SSBP2: variants seen among roughly 807,000 people sequenced by gnomAD.
SSBP2 encodes single stranded DNA binding protein 2.
A neutral mutation model predicts 61.8 loss-of-function variants in SSBP2; 17 were observed. The observed-to-expected ratio is 0.28, with a 90% CI of 0.19 to 0.41. SSBP2 has a LOEUF of 0.41. SSBP2 is among the 10% of genes least tolerant of loss of function. The pLI, the probability that SSBP2 is intolerant of heterozygous loss-of-function variation, is 1.00. For synonymous variants in SSBP2, 139 were observed against 141.3 expected (o/e 0.98, Z 0.12); for missense variants, 310 against 458.7 (o/e 0.68, Z 2.96).
intron 5 of SSBP2, among the ~76,000 whole-genome samples, chr5:81,489,722 C>G (rs1766708805): frequency 6.6e-6 from 1 of 152,176 alleles, no homozygotes; most frequent in Admixed American, 6.5e-5. Flanking sequence ...GTTTGGTTAT[C>G]AATTCCTTTA....
In SSBP2 at chr5:81,490,350, T is replaced by C. The variant is rs570622264; in HGVS notation, c.373-1041A>G. On this transcript the variant is annotated intron_variant, in intron 5 of 16. Coordinates refer to ENST00000320672, the MANE Select transcript of SSBP2 (RefSeq NM_012446.5). ...TTATTAAATTATTTAAAATTTGATT[T>C]TTTATTTATTTTTCTAGAAACAACA... 3.3e-5 allele frequency among the ~76,000 whole-genome samples: 5 copies of C among 152,172 alleles called. No individual in the cohort carries two copies. The East Asian group carries it at 9.6e-4, about 29-fold the overall frequency.
chr5:81,720,164 T>C (rs761001268), intron 1 of SSBP2, among the ~76,000 whole-genome samples: 3 of 152,146 alleles, frequency 2.0e-5, no homozygotes, highest in Non-Finnish European at 4.4e-5. Context: ...CCCATCCAGA[T>C]TTTTACTTCT....
intron 4 of SSBP2, among the ~76,000 whole-genome samples, chr5:81,548,592 C>T (rs187172912): frequency 1.8e-4 from 27 of 152,178 alleles, no homozygotes; most frequent in African/African-American, 5.8e-4. Context: ...TCTTCTCCCG[C>T]GAACTTACTA....
intron 6 of SSBP2, among the ~76,000 whole-genome samples, chr5:81,479,785 C>G (rs1435398020): frequency 2.0e-5 from 3 of 152,030 alleles, no homozygotes; most frequent in Non-Finnish European, 4.4e-5. Flanking sequence ...ATTATTCATC[C>G]TTTTTAATGA....
At chr5:81,507,285 C>T (rs1042392257) in intron 5 of SSBP2, among the ~76,000 whole-genome samples, 1 of 152,130 alleles carries the variant, frequency 6.6e-6, no homozygotes, top group Non-Finnish European at 1.5e-5. Flanking sequence ...TATGAATGAT[C>T]ACCTTGGTCT....
chr5:81,597,934 CCA>C (rs993479407), intron 4 of SSBP2, among the ~76,000 whole-genome samples: 1 of 151,314 alleles, frequency 6.6e-6, no homozygotes, highest in Non-Finnish European at 1.5e-5. Flanking sequence ...GTGCAGCACA[CCA>C]ATATGGCACA....
intron 5 of SSBP2, among the ~76,000 whole-genome samples, chr5:81,501,456 C>T (rs1240409996): frequency 6.7e-6 from 1 of 149,312 alleles, no homozygotes; most frequent in Non-Finnish European, 1.5e-5. Context: ...GCAGGCATTC[C>T]AAGTAATTAA....
intron 7 of SSBP2, 151 bp from the exon 8 acceptor site, chr5:81,473,921 C>T (rs1406874528): frequency 1.0e-5 from 7 of 673,394 alleles, no homozygotes; most frequent in Non-Finnish European, 1.6e-5. Context: ...CACTTTTCCA[C>T]CTCTTACCAC....
At chr5:81,428,548 T>C in intron 16 of SSBP2, 37 bp downstream of exon 16, 1 of 1,522,960 alleles carries the variant, frequency 6.6e-7, no homozygotes, top group South Asian at 1.1e-5. Flanking sequence ...GCTTCAGAAA[T>C]AAAATTTGAG....
intron 1 of SSBP2, among the ~76,000 whole-genome samples, chr5:81,668,950 C>G (rs1453743703): frequency 2.6e-5 from 4 of 151,986 alleles, no homozygotes; most frequent in African/African-American, 9.7e-5. Context: ...CATCTCAGTA[C>G]AGTTCTACCT....
rs573261552 is a variant in SSBP2 at position 81,702,554 on chromosome 5, A to G, written c.62+48427T>C. Among the ~76,000 whole-genome samples, 8 of 152,322 alleles carry G rather than the reference A, an allele frequency of 5.3e-5. No homozygotes were observed. The South Asian group carries it at 8.3e-4, about 16-fold the overall frequency. On this transcript the variant is annotated intron_variant, in intron 1 of 16. Coordinates refer to ENST00000320672, the MANE Select transcript of SSBP2 (RefSeq NM_012446.5). ...TACAAAGTATATGAAACACAATGCCATAAGTTCTGAAAAAATGCAGGAATG... is the reference window on the plus strand; with the variant it reads ...TACAAAGTATATGAAACACAATGCCGTAAGTTCTGAAAAAATGCAGGAATG...
chr5:81,553,587 TTA>T (rs1427377914), intron 4 of SSBP2, among the ~76,000 whole-genome samples: 20 of 152,276 alleles, frequency 1.3e-4, no homozygotes, highest in South Asian at 4.1e-4. Context: ...TAATTCTCCT[TTA>T]TGTTTCAATT....
intron 9 of SSBP2, among the ~76,000 whole-genome samples, chr5:81,461,545 A>C (rs551522278): frequency 6.6e-6 from 1 of 152,032 alleles, no homozygotes; most frequent in Non-Finnish European, 1.5e-5. Context: ...ATTGATCTTA[A>C]GCTATAAGCA....
At chr5:81,737,803 A>AC (rs1756727008) in intron 1 of SSBP2, among the ~76,000 whole-genome samples, 2 of 150,896 alleles carry the variant, frequency 1.3e-5, no homozygotes. Flanking sequence ...AAAAAAAAAA[A>AC]CAAAAAACTC....
At chr5:81,492,864 A>T (rs1224499699) in intron 5 of SSBP2, among the ~76,000 whole-genome samples, 5 of 152,182 alleles carry the variant, frequency 3.3e-5, no homozygotes, top group Admixed American at 3.3e-4. Context: ...TAAAATAAGG[A>T]ACCAATGATT....
chr5:81,647,941 T>C (rs1460493659), intron 2 of SSBP2, among the ~76,000 whole-genome samples: 2 of 152,094 alleles, frequency 1.3e-5, no homozygotes, highest in Non-Finnish European at 2.9e-5. Flanking sequence ...GTTAGCAACA[T>C]TTTTCTTTTT....
chr5:81,599,648 G>A (rs1055644003), intron 4 of SSBP2, among the ~76,000 whole-genome samples: 3 of 152,232 alleles, frequency 2.0e-5, no homozygotes, highest in East Asian at 1.9e-4. Context: ...CTAAAACAGC[G>A]TTCTTTCACT....
Position 81,565,352 on chromosome 5 carries a change from T to C in SSBP2, c.282+50121A>G, listed in dbSNP as rs1033816257. ...AACATAATTTTAAACATATAGAACA[T>C]AAAAAAAATTTGTAAAGCTGTAATA... On this transcript the variant is annotated intron_variant, in intron 4 of 16. Coordinates refer to ENST00000320672, the MANE Select transcript of SSBP2 (RefSeq NM_012446.5). 5.1e-4 allele frequency among the ~76,000 whole-genome samples: 78 copies of C among 151,948 alleles called. 1 individual carries two copies. The highest frequency in any genetic ancestry group is 1.6e-3 in the African/African-American group (65 of 41,404).
At chr5:81,608,598 T>A (rs1486435323) in intron 4 of SSBP2, among the ~76,000 whole-genome samples, 3 of 152,234 alleles carry the variant, frequency 2.0e-5, no homozygotes, top group Non-Finnish European at 1.5e-5. Flanking sequence ...GACATGTCCT[T>A]AACTTCTCCA....
Sources: allele counts gnomAD v4.1 joint callset (sites outside exome capture counted in the v4.1 genomes callset), GRCh38; gene constraint gnomAD v4.1.1; transcripts MANE v1.5; gene names NCBI Gene and HGNC (gene_info 2026-07-23, HGNC 2026-07-21).